Variants in RTF1 observed in about 807,000 individuals in gnomAD.
The protein encoded by RTF1 is RNA polymerase-associated protein RTF1 homolog.
A neutral mutation model predicts 95.7 loss-of-function variants in RTF1; 10 were observed. The ratio of observed to expected loss-of-function variants is 0.10; its 90% confidence interval spans 0.06 to 0.18. RTF1 has a LOEUF of 0.18. RTF1 is among the 10% of genes least tolerant of loss of function. The pLI is 1.00. For synonymous variants in RTF1, 305 were observed against 311.8 expected (o/e 0.98, Z 0.23); for missense variants, 458 against 875.6 (o/e 0.52, Z 6.02).
intron 2 of RTF1, among the ~76,000 whole-genome samples, chr15:41,444,709 A>C (rs1278175931): frequency 6.6e-6 from 1 of 152,194 alleles, no homozygotes; most frequent in Admixed American, 6.6e-5. Flanking sequence ...GTACTGCTTT[A>C]TACAGCTTCC....
chr15:41,453,440 C>G (rs1488920587), intron 3 of RTF1, among the ~76,000 whole-genome samples: 1 of 152,040 alleles, frequency 6.6e-6, no homozygotes, highest in Non-Finnish European at 1.5e-5. Flanking sequence ...GAAAAGTGAA[C>G]TTGGGCCAGG....
At chr15:41,455,754 G>A (rs1010814712) in intron 3 of RTF1, among the ~76,000 whole-genome samples, 6 of 151,504 alleles carry the variant, frequency 4.0e-5, no homozygotes, top group Non-Finnish European at 8.8e-5. Context: ...CCGAGATCAG[G>A]CAATAGAGTG....
intron 4 of RTF1, among the ~76,000 whole-genome samples, chr15:41,460,524 A>G (rs781382548): frequency 2.0e-5 from 3 of 152,146 alleles, no homozygotes; most frequent in Non-Finnish European, 4.4e-5. Context: ...TAAAATTTGT[A>G]TATCTGAACT....
intron 1 of RTF1, among the ~76,000 whole-genome samples, chr15:41,430,792 G>A (rs529767481): frequency 2.0e-5 from 3 of 152,144 alleles, no homozygotes; most frequent in Non-Finnish European, 4.4e-5. Context: ...TAATCTTGCT[G>A]TGAGTTTTCC....
intron 2 of RTF1, among the ~76,000 whole-genome samples, chr15:41,441,408 C>G (rs1037936801): frequency 2.0e-5 from 3 of 152,114 alleles, no homozygotes; most frequent in Non-Finnish European, 4.4e-5. Context: ...TGTTTGTGGT[C>G]TCTGGTATTC....
At chr15:41,436,491 G>A (rs900716203) in intron 1 of RTF1, among the ~76,000 whole-genome samples, 1 of 151,132 alleles carries the variant, frequency 6.6e-6, no homozygotes, top group African/African-American at 2.4e-5. Context: ...AGGCGTGGTG[G>A]TGGGTGCCTG....
chr15:41,468,729 T>C (rs1026698960), intron 6 of RTF1, among the ~76,000 whole-genome samples: 6 of 152,052 alleles, frequency 3.9e-5, no homozygotes, highest in Non-Finnish European at 8.8e-5. Context: ...TTTGAAAGAA[T>C]GAGATAGTTC....
In RTF1 at chr15:41,462,459, C is replaced by T. The variant is rs553714733; in HGVS notation, c.663-2312C>T. Among the ~76,000 whole-genome samples, 7 of 152,272 alleles carry T rather than the reference C, an allele frequency of 4.6e-5. No individual in the cohort carries two copies. The East Asian group carries it at 1.2e-3, about 25-fold the overall frequency. On this transcript the variant is annotated intron_variant, in intron 4 of 17. Transcript: ENST00000389629. ...GGTGATCGGAGTTAAATCACTTTCTCTTCCTGCCTCAGCTTCCTCCTGGGG... is the reference window on the plus strand; with the variant it reads ...GGTGATCGGAGTTAAATCACTTTCTTTTCCTGCCTCAGCTTCCTCCTGGGG...
chr15:41,474,760 G>A, intron 9 of RTF1, 58 bp downstream of exon 9: 2 of 1,243,368 alleles, frequency 1.6e-6, no homozygotes, highest in Non-Finnish European at 2.4e-6. Flanking sequence ...CTGGCTTTGG[G>A]GGCTGCTGTT....
chr15:41,420,292 A>T (rs1223615145), intron 1 of RTF1, among the ~76,000 whole-genome samples: 1 of 152,152 alleles, frequency 6.6e-6, no homozygotes, highest in African/African-American at 2.4e-5. Flanking sequence ...TTCCCTGCAC[A>T]TCCTAACAGG....
rs780688882 is a variant in RTF1 at position 41,471,319 on chromosome 15, C to T, written c.1173C>T (p.Ile391=). The T allele has an allele frequency of 1.9e-6, 3 of 1,612,342 alleles. No individual in the cohort carries two copies. ...TVTGCFVRIG[I]GNHNSKPVYR... Reference sequence around the variant, plus strand: ...CAGGATGTTTTGTGCGGATTGGCATCGGAAACCACAACAGCAAACCAGTTT... The same window carrying T: ...CAGGATGTTTTGTGCGGATTGGCATTGGAAACCACAACAGCAAACCAGTTT... The change falls in exon 8 of 18, where the codon ATC becomes ATT. Residue 391 remains isoleucine, a synonymous_variant. Coordinates refer to ENST00000389629, the MANE Select transcript of RTF1 (RefSeq NM_015138.5).
chr15:41,464,485 C>T (rs1036327426), intron 4 of RTF1, among the ~76,000 whole-genome samples: 10 of 151,846 alleles, frequency 6.6e-5, no homozygotes, highest in Non-Finnish European at 1.2e-4. Flanking sequence ...TTGATCCCCC[C>T]GCCTCGGCCT....
intron 8 of RTF1, among the ~76,000 whole-genome samples, chr15:41,472,313 T>G (rs1278738350): frequency 6.6e-6 from 1 of 151,138 alleles, no homozygotes; most frequent in African/African-American, 2.4e-5. Flanking sequence ...TTCAAGTAAT[T>G]CCCCTGCCTC....
chr15:41,443,842 C>A (rs993628907), intron 2 of RTF1, among the ~76,000 whole-genome samples: 2 of 151,934 alleles, frequency 1.3e-5, no homozygotes, highest in Non-Finnish European at 2.9e-5. Flanking sequence ...CCGAGACAGG[C>A]AGATTACAAG....
intron 1 of RTF1, among the ~76,000 whole-genome samples, chr15:41,435,262 C>T (rs970628392): frequency 1.3e-5 from 2 of 151,562 alleles, no homozygotes; most frequent in Admixed American, 6.6e-5. Flanking sequence ...TGACTGTGGT[C>T]GTGGTTTAAA....
chr15:41,417,410 G>C (rs900147331), intron 1 of RTF1, 97 bp downstream of exon 1: 1 of 1,080,264 alleles, frequency 9.3e-7, no homozygotes, highest in African/African-American at 1.6e-5. Flanking sequence ...TCCTACCAGA[G>C]CGCCCAGCTC....
intron 16 of RTF1, 68 bp from the exon 17 acceptor site, chr15:41,480,146 T>C (rs2050964309): frequency 1.0e-6 from 1 of 980,536 alleles, no homozygotes; most frequent in African/African-American, 1.6e-5. Flanking sequence ...GTACCGTTAG[T>C]GGCTGCTGCT....
At chr15:41,470,656 T>C (rs949540613) in intron 7 of RTF1, among the ~76,000 whole-genome samples, 1,670 of 128,468 alleles carry the variant, frequency 0.013, 55 homozygotes, top group African/African-American at 0.049. Flanking sequence ...TTTTCTTTTT[T>C]TTTTTTTTTT....
chr15:41,457,193 A>G (rs11635991), intron 3 of RTF1, among the ~76,000 whole-genome samples: 14,120 of 152,276 alleles, frequency 0.093, 916 homozygotes, highest in Non-Finnish European at 0.14. Flanking sequence ...CTTGAGCCCA[A>G]GAGTTCGAGA....
Sources: allele counts gnomAD v4.1 joint callset (sites outside exome capture counted in the v4.1 genomes callset), GRCh38; gene constraint gnomAD v4.1.1; transcripts MANE v1.5; gene names NCBI Gene and HGNC (gene_info 2026-07-23, HGNC 2026-07-21).